The following TBC1D8B variants were observed in gnomAD, a reference collection of about 807,000 sequenced individuals.
TBC1D8B encodes TBC1 domain family member 8B, also known as RP11-321G1.1.
In TBC1D8B, 75 loss-of-function variants were observed where a neutral mutation model predicts 82.9. The observed-to-expected ratio is 0.90, with a 90% CI of 0.75 to 1.10. The LOEUF is 1.10. Ranked by LOEUF, TBC1D8B falls within the 50% of genes least tolerant of loss-of-function variation. The pLI, the probability that TBC1D8B is intolerant of heterozygous loss-of-function variation, is 0.00. For missense variants in TBC1D8B, 794 were observed against 796.9 expected, an observed-to-expected ratio of 1.00 and a Z score of 0.04; for synonymous variants, 276 against 276.8, an observed-to-expected ratio of 1.00 and a Z score of 0.03.
intron 14 of TBC1D8B, among the ~76,000 whole-genome samples, chrX:106,864,774 C>A (rs1285914232): frequency 9.0e-6 from 1 of 111,386 alleles, no homozygotes; most frequent in Non-Finnish European, 1.9e-5. Flanking sequence ...CTGCCTTGGC[C>A]TCCCAAGTGC....
intron 5 of TBC1D8B, among the ~76,000 whole-genome samples, chrX:106,825,615 A>G (rs2147735814): frequency 9.0e-6 from 1 of 111,443 alleles, no homozygotes; most frequent in South Asian, 3.7e-4. Context: ...ACAAATTTTC[A>G]TTATTTTATT....
intron 10 of TBC1D8B, among the ~76,000 whole-genome samples, chrX:106,841,111 A>G (rs965386173): frequency 7.2e-5 from 8 of 111,888 alleles, no homozygotes; most frequent in Non-Finnish European, 1.5e-4. Flanking sequence ...TGCTCTATAA[A>G]AGATACTCTG....
At chrX:106,840,371 T>C (rs1453527596) in intron 9 of TBC1D8B, among the ~76,000 whole-genome samples, 173 bp downstream of exon 9, 2 of 111,729 alleles carry the variant, frequency 1.8e-5, no homozygotes, top group Non-Finnish European at 3.8e-5. Context: ...ACCTTACCTA[T>C]CTATCCACAC....
chrX:106,830,830 G>T (rs1189794445), intron 7 of TBC1D8B, among the ~76,000 whole-genome samples: 1 of 105,728 alleles, frequency 9.5e-6, no homozygotes, highest in Admixed American at 1.0e-4. Flanking sequence ...AGCATTGGGA[G>T]ATATACCTAA....
intron 1 of TBC1D8B, among the ~76,000 whole-genome samples, chrX:106,809,436 T>A: frequency 9.0e-6 from 1 of 111,645 alleles, no homozygotes; most frequent in Middle Eastern, 4.6e-3. Flanking sequence ...GGACAGAGAC[T>A]TGTGGTACTA....
At chrX:106,810,540 A>C (rs1931336313) in intron 1 of TBC1D8B, among the ~76,000 whole-genome samples, 1 of 111,986 alleles carries the variant, frequency 8.9e-6, no homozygotes, top group African/African-American at 3.3e-5. Flanking sequence ...TTTTGTGTCC[A>C]CTGTTCTTTC....
At chrX:106,862,205 T>A (rs1444695502) in intron 14 of TBC1D8B, among the ~76,000 whole-genome samples, 4 of 111,891 alleles carry the variant, frequency 3.6e-5, no homozygotes, top group Admixed American at 9.5e-5. Flanking sequence ...GAGAATCTGA[T>A]GACTGTGTGG....
chrX:106,860,981 C>T (rs1317209500), intron 14 of TBC1D8B, among the ~76,000 whole-genome samples: 2 of 111,887 alleles, frequency 1.8e-5, no homozygotes, highest in Non-Finnish European at 3.8e-5. Context: ...TCATTGCTTA[C>T]CCAAAAGTCA....
Position 106,820,989 on chromosome X carries a change from A to C in TBC1D8B, c.354A>C (p.Lys118Asn), listed in dbSNP as rs750157984. 9.0e-7 allele frequency: 1 copy of C among 1,110,943 alleles called. No individual in the cohort carries two copies. The highest frequency in any genetic ancestry group is 2.5e-5 in the Admixed American group (1 of 39,763). 91.6% of individuals were successfully genotyped at this position (1,110,943 alleles called of 1,213,427 possible). ...NEDITNFVQG[K>N]IRGLIAEEGK... is the part of the protein sequence containing the mutation. ...ATATTACTAATTTTGTACAAGGAAA[A>C]ATAAGAGTAAGTGGCACGGATATAT... The change falls in exon 3 of 21, where the codon AAA (lysine) becomes AAC (asparagine). Residue 118 changes from lysine to asparagine, a missense_variant. Coordinates refer to ENST00000357242, the MANE Select transcript of TBC1D8B (RefSeq NM_017752.3).
At position 106,875,242 on chromosome X, in the gene TBC1D8B, G is replaced by T. The variant is rs1157839561; in HGVS notation, c.*1277G>T. ...GCTTCTTTCTTTAGAAAAGACTTTGGTTATAAGCCTTTTGACTTTTCTAGA... is the reference window on the plus strand; with the variant it reads ...GCTTCTTTCTTTAGAAAAGACTTTGTTTATAAGCCTTTTGACTTTTCTAGA... On this transcript the variant is annotated 3_prime_UTR_variant, in exon 21 of 21. Coordinates refer to ENST00000357242, the MANE Select transcript of TBC1D8B (RefSeq NM_017752.3). 8.9e-6 allele frequency: 1 copy of T among 111,744 alleles called. No individual in the cohort carries two copies. Among genetic ancestry groups the T allele is most frequent in the East Asian group, 2.8e-4 (1 of 3,574 alleles). 9.2% of individuals were successfully genotyped at this position (111,744 alleles called of 1,213,427 possible).
chrX:106,864,728 A>T (rs915275664), intron 14 of TBC1D8B, among the ~76,000 whole-genome samples: 1 of 110,753 alleles, frequency 9.0e-6, no homozygotes, highest in African/African-American at 3.3e-5. Flanking sequence ...CAAGTTGGCC[A>T]GGCTGGTCTT....
chrX:106,818,558 C>A, intron 1 of TBC1D8B, 105 bp from the exon 2 acceptor site: 1 of 524,955 alleles, frequency 1.9e-6, no homozygotes, highest in Non-Finnish European at 2.9e-6. Flanking sequence ...ACTCTATGGG[C>A]TAGAAAAGTT....
In TBC1D8B at chrX:106,840,670, G is replaced by A. The variant is rs375412606; in HGVS notation, c.1505G>A (p.Gly502Asp). ...LRGELWMLFS[G>D]AVNDMATNPD... is the part of the protein sequence containing the mutation. ...TATGTTAATGTAATAATCTTCACAG[G>A]TGCTGTTAATGACATGGCTACTAAT... is the stretch of plus-strand genomic sequence containing the variant. The change falls in exon 10 of 21, where the codon GGT becomes GAT. Residue 502 changes from glycine (G) to aspartate (D), a missense_variant and splice_region_variant. Transcript: ENST00000357242. 5.0e-6 allele frequency: 6 copies of A among 1,202,093 alleles called. No homozygotes were observed. Among genetic ancestry groups the A allele is most frequent in the South Asian group, 1.8e-5 (1 of 56,447 alleles).
chrX:106,840,850 A>G lies in TBC1D8B; in HGVS notation c.1685A>G (p.Tyr562Cys), dbSNP rs1932288630. Residue 562 changes from tyrosine (Y) to cysteine (C), a missense_variant, in exon 10 of 21, where the codon TAT (tyrosine) becomes TGT (cysteine). Transcript: ENST00000357242. ...ISALRRVLTAYAYRNPKIGYC... is the reference protein window; with the variant it reads ...ISALRRVLTACAYRNPKIGYC... ...GCTCTGAGAAGGGTACTCACAGCTT[A>G]TGCATACAGGAATCCCAAAATTGGA... The G allele has an allele frequency of 3.3e-6, 4 of 1,211,003 alleles. No individual in the cohort carries two copies. The East Asian group carries it at 8.9e-5, about 27-fold the overall frequency.
chrX:106,873,386 G>C (rs776819198), intron 20 of TBC1D8B, among the ~76,000 whole-genome samples, 184 bp from the exon 21 acceptor site: 2 of 111,974 alleles, frequency 1.8e-5, no homozygotes, highest in Non-Finnish European at 3.8e-5. Context: ...GTGCCACCGC[G>C]CCTGGCCCAT....
At chrX:106,815,058 C>A (rs1168822318) in intron 1 of TBC1D8B, 1 of 111,359 alleles carries the variant, frequency 9.0e-6, no homozygotes, top group Non-Finnish European at 1.9e-5. Context: ...TAATTAGATC[C>A]CATTTGTCAA....
Position 106,866,010 on chromosome X carries a change from T to C in TBC1D8B, c.2639T>C (p.Phe880Ser). The change falls in exon 16 of 21, where the codon TTC becomes TCC. Residue 880 changes from phenylalanine to serine, a missense_variant. Phe to Ser is a radical substitution (Grantham distance 155). Transcript: ENST00000357242. ...LDENSDCLIN[F>S]KEFSSAIDIM... Reference sequence around the variant, plus strand: ...GAAAACTCTGATTGCCTTATAAACTTCAAAGAATTCTCCTCTGCAATTGGT... The same window carrying C: ...GAAAACTCTGATTGCCTTATAAACTCCAAAGAATTCTCCTCTGCAATTGGT... The C allele has an allele frequency of 8.3e-7, 1 of 1,204,945 alleles. No individual in the cohort carries two copies. Among genetic ancestry groups the C allele is most frequent in the Non-Finnish European group, 1.1e-6 (1 of 893,459 alleles).
chrX:106,844,496 C>CAT (rs890806256), intron 10 of TBC1D8B, among the ~76,000 whole-genome samples: 6 of 99,482 alleles, frequency 6.0e-5, no homozygotes, highest in Admixed American at 1.1e-4. Flanking sequence ...TATATATAAA[C>CAT]ATATATATAT....
rs762934379 is a variant in TBC1D8B, at chrX:106,850,274, G to C, written c.2087G>C (p.Cys696Ser). ...LDYNLDKLLT[C>S]KDDAEAVTAL... is the part of the protein sequence containing the mutation. ...TATAATTTAGACAAACTGCTGACTT[G>C]TAAAGATGATGCTGAAGCTGTGACA... Residue 696 changes from cysteine to serine, a missense_variant, in exon 12 of 21, where the codon TGT becomes TCT. By Grantham distance (112) the Cys-to-Ser change is moderately radical (BLOSUM62 -1). Transcript: ENST00000357242. 2 of 1,207,493 alleles carry C rather than the reference G, an allele frequency of 1.7e-6. No individual in the cohort carries two copies. Among genetic ancestry groups the C allele is most frequent in the African/African-American group, 1.7e-5 (1 of 57,206 alleles).
Sources: allele counts gnomAD v4.1 joint callset (sites outside exome capture counted in the v4.1 genomes callset), GRCh38; gene constraint gnomAD v4.1.1; transcripts MANE v1.5; gene names NCBI Gene and HGNC (gene_info 2026-07-23, HGNC 2026-07-21).